ESRRG: variants seen among roughly 807,000 people sequenced by gnomAD.
ESRRG encodes estrogen-related receptor gamma.
In ESRRG, 13 loss-of-function variants were observed where a neutral mutation model predicts 44.0. The observed-to-expected ratio is 0.30, with a 90% CI of 0.19 to 0.47. The LOEUF is 0.47. Among genes scored for constraint, ESRRG ranks in the 20% least tolerant of loss-of-function variants. ESRRG has a pLI of 1.00. For missense variants in ESRRG, 395 were observed against 580.6 expected (o/e 0.68, Z 3.29); for synonymous variants, 215 against 214.6 (o/e 1.00, Z -0.02).
intron 2 of ESRRG, among the ~76,000 whole-genome samples, chr1:216,673,991 G>T (rs1197263371): frequency 6.6e-6 from 1 of 152,182 alleles, no homozygotes; most frequent in Non-Finnish European, 1.5e-5. Context: ...AGAACCTCTT[G>T]CTTATATCAG....
rs922619855 is a variant in ESRRG, at chr1:216,826,397, G to A, written c.-14+113185C>T. The stretch of plus-strand genomic sequence containing the variant: ...TACACCTACTGACCTTGAGCTTTGA[G>A]TGTTAGCTGCATGATCTGGGCTCAC... On this transcript the variant is annotated intron_variant, in intron 2 of 7. Transcript: ENST00000359162. Among the ~76,000 whole-genome samples the A allele has an allele frequency of 2.0e-5, 3 of 152,150 alleles. No individual in the cohort carries two copies. The South Asian group carries it at 6.2e-4, about 32-fold the overall frequency.
At chr1:216,792,351 T>C (rs1402792651) in intron 2 of ESRRG, among the ~76,000 whole-genome samples, 1 of 152,200 alleles carries the variant, frequency 6.6e-6, no homozygotes, top group Non-Finnish European at 1.5e-5. Flanking sequence ...CAACATAATT[T>C]ATTCTTCCTG....
intron 2 of ESRRG, among the ~76,000 whole-genome samples, chr1:216,740,910 A>T (rs1161585872): frequency 1.3e-5 from 2 of 151,486 alleles, no homozygotes; most frequent in African/African-American, 2.4e-5. Flanking sequence ...ATATATACAT[A>T]TTGACATTCT....
In ESRRG at chr1:216,542,978, G is replaced by C. The variant is rs12145418; in HGVS notation, c.862+21241C>G. Among the ~76,000 whole-genome samples, 4 of 151,932 alleles carry C rather than the reference G, an allele frequency of 2.6e-5. No homozygotes were observed. The South Asian group carries it at 8.3e-4, about 32-fold the overall frequency. On this transcript the variant is annotated intron_variant, in intron 5 of 6. Coordinates refer to ENST00000408911, the MANE Select transcript of ESRRG (RefSeq NM_001438.4). ...ATGTACAGCAGTGTTTTTGAACTGA[G>C]GGATTTAGTGGAAGAACCAAAGAAT... is the stretch of plus-strand genomic sequence containing the variant.
chr1:217,025,654 C>G (rs767990749), intron 1 of ESRRG, among the ~76,000 whole-genome samples: 1 of 152,194 alleles, frequency 6.6e-6, no homozygotes, highest in Non-Finnish European at 1.5e-5. Context: ...GGCCCCTTGT[C>G]TTTGGCCAAA....
chr1:216,687,775 G>A (rs2078293079), intron 1 of ESRRG, among the ~76,000 whole-genome samples: 1 of 152,204 alleles, frequency 6.6e-6, no homozygotes, highest in African/African-American at 2.4e-5. Context: ...TTAGCCAACA[G>A]AACAGATATT....
At chr1:217,088,164 A>C (rs2151540015) in intron 1 of ESRRG, among the ~76,000 whole-genome samples, 1 of 151,936 alleles carries the variant, frequency 6.6e-6, no homozygotes, top group East Asian at 1.9e-4. Context: ...GAATTTGGGC[A>C]TTTTCCAAAC....
chr1:216,955,370 T>C (rs1006488407), intron 1 of ESRRG, among the ~76,000 whole-genome samples: 1 of 152,194 alleles, frequency 6.6e-6, no homozygotes, highest in Admixed American at 6.5e-5. Context: ...ATGACAAAAA[T>C]CTCATTTTTT....
intron 2 of ESRRG, among the ~76,000 whole-genome samples, chr1:216,778,670 T>G (rs538360959): frequency 8.3e-4 from 126 of 152,086 alleles, no homozygotes; most frequent in Middle Eastern, 6.8e-3. Context: ...GGAGGAGCCA[T>G]ACTTTTGGCT....
chr1:216,967,775 A>G (rs2070773523), intron 1 of ESRRG, among the ~76,000 whole-genome samples: 1 of 152,204 alleles, frequency 6.6e-6, no homozygotes. Flanking sequence ...GTTGAATCAT[A>G]TAGTAAGAGT....
At chr1:216,533,868 C>A (rs750516122) in intron 5 of ESRRG, among the ~76,000 whole-genome samples, 3 of 152,086 alleles carry the variant, frequency 2.0e-5, no homozygotes, top group Non-Finnish European at 2.9e-5. Context: ...GCTTCAGGAT[C>A]ATTATGCAAT....
intron 2 of ESRRG, among the ~76,000 whole-genome samples, chr1:216,902,343 T>C (rs910849861): frequency 6.6e-6 from 1 of 151,958 alleles, no homozygotes; most frequent in Admixed American, 6.6e-5. Flanking sequence ...ACAAAAATTA[T>C]CTTGGTGTGG....
chr1:216,816,501 T>G (rs1313379759), intron 2 of ESRRG, among the ~76,000 whole-genome samples: 1 of 152,218 alleles, frequency 6.6e-6, no homozygotes, highest in African/African-American at 2.4e-5. Context: ...ATGCCTTTTG[T>G]GGCTAGGCCA....
intron 3 of ESRRG, among the ~76,000 whole-genome samples, chr1:216,628,801 C>T (rs1049666226): frequency 4.6e-5 from 7 of 152,134 alleles, no homozygotes; most frequent in Non-Finnish European, 1.0e-4. Flanking sequence ...GTCCAAAACC[C>T]TTAAATTGAT....
At chr1:216,570,025 T>C (rs74141607) in intron 3 of ESRRG, among the ~76,000 whole-genome samples, 3,679 of 152,322 alleles carry the variant, frequency 0.024, 137 homozygotes, top group African/African-American at 0.084. Context: ...TATTTCTATG[T>C]GAATATTTAC....
At chr1:216,597,423 A>C (rs1346147284) in intron 3 of ESRRG, among the ~76,000 whole-genome samples, 1 of 152,222 alleles carries the variant, frequency 6.6e-6, no homozygotes, top group Non-Finnish European at 1.5e-5. Flanking sequence ...GTGTCTGTGC[A>C]TGAAGAAGAT....
intron 1 of ESRRG, among the ~76,000 whole-genome samples, chr1:217,095,248 G>A (rs1268683967): frequency 6.6e-6 from 1 of 152,222 alleles, no homozygotes; most frequent in Non-Finnish European, 1.5e-5. Flanking sequence ...TATTCAGAAT[G>A]ATGGCCTTGA....
intron 1 of ESRRG, chr1:216,707,590 C>T (rs751619024): frequency 1.1e-4 from 123 of 1,150,022 alleles, no homozygotes; most frequent in Non-Finnish European, 1.4e-4. Flanking sequence ...TGAAGACTGA[C>T]TCCTTTTTAC....
intron 2 of ESRRG, among the ~76,000 whole-genome samples, chr1:216,822,134 T>C (rs2095310733): frequency 6.6e-6 from 1 of 152,096 alleles, no homozygotes; most frequent in Non-Finnish European, 1.5e-5. Context: ...TCTTTTAGAG[T>C]TGTATGAAAT....
Sources: gnomAD v4.1 joint callset for allele counts (sites outside exome capture counted in the v4.1 genomes callset) on GRCh38, gnomAD v4.1.1 for gene constraint, MANE v1.5 for transcripts, NCBI Gene and HGNC (gene_info 2026-07-23, HGNC 2026-07-21) for gene names.